SEPTIN9: variants seen among roughly 807,000 people sequenced by gnomAD.
The protein encoded by SEPTIN9 is septin-9.
SEPTIN9 carries 13 observed loss-of-function variants against 56.6 expected under a neutral mutation model. The observed-to-expected ratio is 0.23, with a 90% CI of 0.15 to 0.37. The LOEUF is 0.37. Ranked by LOEUF, SEPTIN9 falls within the 10% of genes least tolerant of loss-of-function variation. The pLI is 1.00. For synonymous variants in SEPTIN9, 332 were observed against 334.1 expected, an observed-to-expected ratio of 0.99 and a Z score of 0.07; for missense variants, 650 against 823.1, an observed-to-expected ratio of 0.79 and a Z score of 2.57.
intron 1 of SEPTIN9, among the ~76,000 whole-genome samples, chr17:77,305,349 C>G (rs2032219315): frequency 6.6e-6 from 1 of 152,124 alleles, no homozygotes; most frequent in Non-Finnish European, 1.5e-5. Flanking sequence ...CACCTGCCTG[C>G]TGGGGTTGTG....
At chr17:77,427,052 A>G (rs1244643592) in intron 3 of SEPTIN9, 1 of 152,274 alleles carries the variant, frequency 6.6e-6, no homozygotes. Context: ...AGGAATTGCT[A>G]TGACATGGAC....
At chr17:77,340,774 C>T (rs1001417503) in intron 2 of SEPTIN9, among the ~76,000 whole-genome samples, 2 of 152,250 alleles carry the variant, frequency 1.3e-5, no homozygotes, top group African/African-American at 4.8e-5. Context: ...TTCATCAGTG[C>T]TCTGAGCTAG....
Position 77,449,665 on chromosome 17 carries a change from C to T in SEPTIN9, c.722-32479C>T, listed in dbSNP as rs369818647. 6.6e-5 allele frequency among the ~76,000 whole-genome samples: 10 copies of T among 152,310 alleles called. No individual in the cohort carries two copies. The highest frequency in any genetic ancestry group is 3.4e-3 in the Middle Eastern group (1 of 294). On this transcript the variant is annotated intron_variant, in intron 3 of 11. Transcript: ENST00000427177. The surrounding 1 kb of genome is among the most constrained non-coding windows in gnomAD (Gnocchi z 4.6). ...CTGGCCAGAAAGGAGTTCCTTCTGG[C>T]ATCCTTTGTCAGCGGTTTCTGGAGC...
intron 2 of SEPTIN9, among the ~76,000 whole-genome samples, chr17:77,346,822 G>A (rs1371369234): frequency 6.6e-6 from 1 of 152,090 alleles, no homozygotes; most frequent in African/African-American, 2.4e-5. Flanking sequence ...CTGGTGCAGT[G>A]GTGTTGGGAA....
rs1418025813 is a variant in SEPTIN9, at chr17:77,434,641, G to A, written c.721+31938G>A. On this transcript the variant is annotated intron_variant, in intron 3 of 11. Coordinates refer to ENST00000427177, the MANE Select transcript of SEPTIN9 (RefSeq NM_001113491.2). This position sits in a 1 kb window ranked among gnomAD's most constrained non-coding sequence, Gnocchi z 5.0. ...CACCATGACCCCCGTCAAAGCTCACGTCCAAGGCATTTGTGGGCACCCCCG... is the reference window on the plus strand; with the variant it reads ...CACCATGACCCCCGTCAAAGCTCACATCCAAGGCATTTGTGGGCACCCCCG... 6.6e-6 allele frequency among the ~76,000 whole-genome samples: 1 copy of A among 152,108 alleles called. No homozygotes were observed. The highest frequency in any genetic ancestry group is 2.4e-5 in the African/African-American group (1 of 41,416).
At chr17:77,296,446 G>C (rs1255179874) in intron 1 of SEPTIN9, among the ~76,000 whole-genome samples, 1 of 152,010 alleles carries the variant, frequency 6.6e-6, no homozygotes, top group Non-Finnish European at 1.5e-5. Flanking sequence ...CAAGCAGACA[G>C]AGAGATAGAG....
chr17:77,488,774 T>A lies in SEPTIN9; in HGVS notation c.1172T>A (p.Leu391Gln). Reference sequence around the variant, plus strand: ...ATCAATGACCAGTACGAGAAATACCTGCAGGAGGAGGTCAACATCAACCGC... The same window carrying A: ...ATCAATGACCAGTACGAGAAATACCAGCAGGAGGAGGTCAACATCAACCGC... Reference protein sequence around the residue: ...KFINDQYEKYLQEEVNINRKK... With the variant: ...KFINDQYEKYQQEEVNINRKK... The change falls in exon 7 of 12, where the codon CTG becomes CAG. Residue 391 changes from leucine (L) to glutamine (Q), a missense_variant. Physicochemically the swap from Leu to Gln is moderately radical, Grantham distance 113. Around this residue, in one of 2 missense-constraint regions of SEPTIN9, gnomAD observed 333 missense variants for 494.0 expected, o/e 0.67. Coordinates refer to ENST00000427177, the MANE Select transcript of SEPTIN9 (RefSeq NM_001113491.2). 5 of 1,613,890 alleles carry A rather than the reference T, an allele frequency of 3.1e-6. No individual in the cohort carries two copies. The highest frequency in any genetic ancestry group is 4.2e-6 in the Non-Finnish European group (5 of 1,179,968).
chr17:77,436,619 C>T lies in SEPTIN9; in HGVS notation c.721+33916C>T, dbSNP rs1014831886. On this transcript the variant is annotated intron_variant, in intron 3 of 11. Transcript: ENST00000427177. The surrounding 1 kb of genome is among the most constrained non-coding windows in gnomAD (Gnocchi z 4.4). ...AGCTTTTCTCGCCCCTCTCCTGCCC[C>T]GCTGGAGGGAGTGACCTGGCCCCTG... 2.0e-5 allele frequency among the ~76,000 whole-genome samples: 3 copies of T among 152,360 alleles called. No homozygotes were observed. Among genetic ancestry groups the T allele is most frequent in the Admixed American group, 6.5e-5 (1 of 15,308 alleles).
intron 1 of SEPTIN9, among the ~76,000 whole-genome samples, chr17:77,287,036 GT>G (rs2031311150): frequency 1.3e-5 from 2 of 152,238 alleles, no homozygotes; most frequent in South Asian, 4.1e-4. Flanking sequence ...CTCGGGGCTT[GT>G]ACACAGCACA....
chr17:77,358,087 A>G (rs2034310212), intron 2 of SEPTIN9, among the ~76,000 whole-genome samples: 1 of 152,234 alleles, frequency 6.6e-6, no homozygotes, highest in African/African-American at 2.4e-5. Flanking sequence ...CTCAATGGAC[A>G]GCTTAGTCAA....
rs778881879 is a variant in SEPTIN9, at chr17:77,331,831, C to T, written c.76+24634C>T. Among the ~76,000 whole-genome samples, 11 of 152,118 alleles carry T rather than the reference C, an allele frequency of 7.2e-5. No individual in the cohort carries two copies. In the East Asian group the frequency reaches 7.7e-4, roughly 11 times the overall value. On this transcript the variant is annotated intron_variant, in intron 2 of 11. Transcript: ENST00000427177. Reference sequence around the variant, plus strand: ...CCTTGGGGTTCCTGTCCTAACTGGGCGGGGAAAGGGAGGGTTGGAAGCTGA... The same window carrying T: ...CCTTGGGGTTCCTGTCCTAACTGGGTGGGGAAAGGGAGGGTTGGAAGCTGA...
chr17:77,484,622 G>GT (rs2039617583), intron 4 of SEPTIN9, among the ~76,000 whole-genome samples: 2 of 147,492 alleles, frequency 1.4e-5, no homozygotes, highest in African/African-American at 5.1e-5. Context: ...GGTGGTGATG[G>GT]GGATGATGAT....
chr17:77,415,091 G>A lies in SEPTIN9; in HGVS notation c.721+12388G>A, dbSNP rs116878698. On this transcript the variant is annotated intron_variant, in intron 3 of 11. Coordinates refer to ENST00000427177, the MANE Select transcript of SEPTIN9 (RefSeq NM_001113491.2). ...TGGGTTGCTGCCACCGCTGGTGAGT[G>A]TATTCTTTTCAAATTAAAAAAAAAA... 3.9e-3 allele frequency among the ~76,000 whole-genome samples: 585 copies of A among 151,630 alleles called. 1 individual carries two copies. Among genetic ancestry groups the A allele is most frequent in the Non-Finnish European group, 6.8e-3 (460 of 67,872 alleles).
chr17:77,314,225 G>A (rs2032613446), intron 2 of SEPTIN9, among the ~76,000 whole-genome samples: 1 of 151,160 alleles, frequency 6.6e-6, no homozygotes, highest in Non-Finnish European at 1.5e-5. Flanking sequence ...TGCCCAGGCT[G>A]GAGTGCAGTG....
chr17:77,498,431 T>G, intron 11 of SEPTIN9, 92 bp from the exon 12 acceptor site: 4 of 735,892 alleles, frequency 5.4e-6, no homozygotes, highest in Non-Finnish European at 6.9e-6. Flanking sequence ...CAGGCGGGCC[T>G]GAGTCCGAGG....
chr17:77,322,130 G>T (rs2032960857), intron 2 of SEPTIN9, among the ~76,000 whole-genome samples: 1 of 152,224 alleles, frequency 6.6e-6, no homozygotes, highest in Non-Finnish European at 1.5e-5. Context: ...TGATCTAGCC[G>T]AGGCCCAGAT....
At chr17:77,364,373 T>G (rs1367713257) in intron 2 of SEPTIN9, among the ~76,000 whole-genome samples, 1 of 152,200 alleles carries the variant, frequency 6.6e-6, no homozygotes, top group African/African-American at 2.4e-5. Context: ...TGGGGTATAT[T>G]TGGTGACATA....
At position 77,367,772 on chromosome 17, in the gene SEPTIN9, C is replaced by T. The variant is rs547861383; in HGVS notation, c.77-34287C>T. On this transcript the variant is annotated intron_variant, in intron 2 of 11. Coordinates refer to ENST00000427177, the MANE Select transcript of SEPTIN9 (RefSeq NM_001113491.2). The surrounding 1 kb of genome is among the most constrained non-coding windows in gnomAD (Gnocchi z 4.5). ...CGGAGGTTGCAGTGAGCCGAGATCA[C>T]GCCACTACACTACAGCCCGGGCGAC... Among the ~76,000 whole-genome samples, 5 of 152,168 alleles carry T rather than the reference C, an allele frequency of 3.3e-5. No individual in the cohort carries two copies. The highest frequency in any genetic ancestry group is 4.8e-5 in the African/African-American group (2 of 41,482).
chr17:77,429,387 C>T lies in SEPTIN9; in HGVS notation c.721+26684C>T, dbSNP rs1199684422. The T allele has an allele frequency of 4.7e-6, 2 of 426,754 alleles. No individual in the cohort carries two copies. Among genetic ancestry groups the T allele is most frequent in the Non-Finnish European group, 9.9e-6 (2 of 201,742 alleles). The allele number at this position is 426,754 out of a possible 1,614,324, so 26.4% of individuals were successfully genotyped here. A position where few individuals can be genotyped will look rare whatever the true frequency, so the allele number is the denominator to read the frequency against. ...CTCGCAGGTTGCAAAATGGGGACAT[C>T]ACCGTCCGCCTGGGCTACAGCGTGC... On this transcript the variant is annotated intron_variant, in intron 3 of 11. Transcript: ENST00000427177. This position sits in a 1 kb window ranked among gnomAD's most constrained non-coding sequence, Gnocchi z 5.2.
Sources: gnomAD v4.1 joint callset for allele counts (sites outside exome capture counted in the v4.1 genomes callset) on GRCh38, gnomAD v4.1.1 for gene constraint, gnomAD v4.1.1 regional missense constraint, Gnocchi (gnomAD v3.1) non-coding constraint, MANE v1.5 for transcripts, NCBI Gene and HGNC (gene_info 2026-07-23, HGNC 2026-07-21) for gene names.